The following MALRD1 variants were observed in gnomAD, a reference collection of about 807,000 sequenced individuals.
The protein encoded by MALRD1 is MAM and LDL receptor class A domain containing 1, also known as MAM and LDL-receptor class A domain-containing protein 1.
Under a neutral mutation model 242.1 loss-of-function variants are expected in MALRD1, and 247 were observed. That is an observed-to-expected ratio of 1.02 (90% CI 0.92 to 1.13). The LOEUF is 1.13. Ranked by LOEUF, MALRD1 falls within the 50% of genes most tolerant of loss-of-function variation. The pLI is 0.00. For missense variants in MALRD1, 2,989 were observed against 2,533.1 expected, an observed-to-expected ratio of 1.18 and a Z score of -3.86; for synonymous variants, 995 against 866.6, an observed-to-expected ratio of 1.15 and a Z score of -2.60.
chr10:19,346,567 C>G (rs1844132691), intron 24 of MALRD1, among the ~76,000 whole-genome samples: 1 of 152,130 alleles, frequency 6.6e-6, no homozygotes. Context: ...TTGTAATATT[C>G]AAGAAGAACT....
intron 7 of MALRD1, among the ~76,000 whole-genome samples, chr10:19,125,295 TTCCTTCCTTCCTTCC>T (rs1837223710): frequency 2.6e-4 from 9 of 34,962 alleles, no homozygotes; most frequent in Non-Finnish European, 3.7e-4. Flanking sequence ...CTTTCTTTCC[TTCCTTCCTTCCTTCC>T]TTCCTTCCTT....
chr10:19,121,998 T>C (rs1454738680), intron 5 of MALRD1, among the ~76,000 whole-genome samples: 2 of 152,200 alleles, frequency 1.3e-5, no homozygotes, highest in Admixed American at 1.3e-4. Flanking sequence ...GTCTGCATGA[T>C]TGTGAACAAA....
At chr10:19,144,603 A>G (rs2131435394) in intron 10 of MALRD1, among the ~76,000 whole-genome samples, 1 of 152,352 alleles carries the variant, frequency 6.6e-6, no homozygotes, top group African/African-American at 2.4e-5. Flanking sequence ...GGCCGTATTA[A>G]AATTTACAAG....
chr10:19,615,516 C>CAAAAAAAAAAAAAAAAA lies in MALRD1; in HGVS notation c.6071-338_6071-322dup, dbSNP rs530920512. On this transcript the variant is annotated intron_variant, in intron 35 of 39. Coordinates refer to ENST00000454679, the MANE Select transcript of MALRD1 (RefSeq NM_001142308.3). ...TGAATGACAGAGCAAGACCCTGCCT[C>CAAAAAAAAAAAAAAAAA]AAAAAAAAAAAAAAAAAAAGAGGAA... Among the ~76,000 whole-genome samples the CAAAAAAAAAAAAAAAAA allele has an allele frequency of 2.2e-3, 82 of 37,148 alleles. 4 individuals carry two copies. The highest frequency in any genetic ancestry group is 4.4e-3 in the African/African-American group (31 of 7,044). 24.4% of individuals were successfully genotyped at this position (37,148 alleles called of 152,430 possible).
chr10:19,661,907 T>C (rs1328033242), intron 36 of MALRD1, among the ~76,000 whole-genome samples: 2 of 152,144 alleles, frequency 1.3e-5, no homozygotes, highest in Non-Finnish European at 2.9e-5. Flanking sequence ...TCAGAAACGA[T>C]ACATCTATTA....
At chr10:19,714,994 C>T (rs1242653408) in intron 38 of MALRD1, among the ~76,000 whole-genome samples, 2 of 152,180 alleles carry the variant, frequency 1.3e-5, no homozygotes, top group African/African-American at 2.4e-5. Context: ...GAGTTACATA[C>T]TGTTAACATT....
At chr10:19,094,449 C>G (rs564801011) in intron 4 of MALRD1, among the ~76,000 whole-genome samples, 1 of 148,662 alleles carries the variant, frequency 6.7e-6, no homozygotes, top group South Asian at 2.2e-4. Flanking sequence ...CCTGCTTCGG[C>G]TCGCGCACGG....
At chr10:19,722,589 C>CAAAAAAAAAAAAAAAAAAAAAAAA (rs1834812944) in intron 38 of MALRD1, 1 of 7,552 alleles carries the variant, frequency 1.3e-4, no homozygotes, top group Non-Finnish European at 2.6e-4. Flanking sequence ...GACCATGTCT[C>CAAAAAAAAAAAAAAAAAAAAAAAA]TAAAAAAAAA....
At chr10:19,689,718 T>A (rs902833587) in intron 36 of MALRD1, among the ~76,000 whole-genome samples, 1 of 152,184 alleles carries the variant, frequency 6.6e-6, no homozygotes, top group Non-Finnish European at 1.5e-5. Context: ...CTCAAAGTTA[T>A]CCATGTTCCT....
intron 36 of MALRD1, among the ~76,000 whole-genome samples, chr10:19,625,860 T>C (rs535192085): frequency 1.5e-4 from 23 of 152,290 alleles, no homozygotes; most frequent in African/African-American, 5.1e-4. Flanking sequence ...AATCATTCTT[T>C]ACTAGGTGGA....
At chr10:19,125,357 C>CTTTCTT (rs1837242676) in intron 7 of MALRD1, among the ~76,000 whole-genome samples, 1 of 110,110 alleles carries the variant, frequency 9.1e-6, no homozygotes, top group Non-Finnish European at 1.8e-5. Context: ...TTCTTTCTTT[C>CTTTCTT]TTTCTTTCTT....
chr10:19,435,039 C>A (rs1333001101), intron 28 of MALRD1, among the ~76,000 whole-genome samples: 1 of 151,164 alleles, frequency 6.6e-6, no homozygotes, highest in Non-Finnish European at 1.5e-5. Flanking sequence ...ACAGTTCTTA[C>A]AGTTATTAAT....
chr10:19,507,419 A>G (rs1458864422), intron 31 of MALRD1, among the ~76,000 whole-genome samples: 1 of 152,168 alleles, frequency 6.6e-6, no homozygotes. Flanking sequence ...ATCTAGTGAA[A>G]AAACCTAACA....
At chr10:19,341,684 G>A (rs545443529) in intron 24 of MALRD1, among the ~76,000 whole-genome samples, 1 of 151,742 alleles carries the variant, frequency 6.6e-6, no homozygotes, top group South Asian at 2.1e-4. Flanking sequence ...ATTTTAAATA[G>A]GGTAGTCATA....
At chr10:19,378,274 C>T (rs867137965) in intron 26 of MALRD1, among the ~76,000 whole-genome samples, 4 of 152,076 alleles carry the variant, frequency 2.6e-5, no homozygotes, top group African/African-American at 7.2e-5. Context: ...AAAATAAATT[C>T]TCCACTGTAA....
chr10:19,639,130 G>A lies in MALRD1; in HGVS notation c.6137+23207G>A, dbSNP rs188581502. On this transcript the variant is annotated intron_variant, in intron 36 of 39. Coordinates refer to ENST00000454679, the MANE Select transcript of MALRD1 (RefSeq NM_001142308.3). ...GAAACACATATGGGTTTAAAAATGA[G>A]CAATATTTTTCTCCTTCAAAAAGTG... 1.3e-3 allele frequency among the ~76,000 whole-genome samples: 205 copies of A among 152,124 alleles called. 1 individual carries two copies. The highest frequency in any genetic ancestry group is 3.4e-3 in the Middle Eastern group (1 of 294).
chr10:19,247,784 AC>A (rs1839127949), intron 18 of MALRD1, among the ~76,000 whole-genome samples: 1 of 152,096 alleles, frequency 6.6e-6, no homozygotes, highest in Non-Finnish European at 1.5e-5. Flanking sequence ...AAATACTATA[AC>A]TTTTAAAGAA....
chr10:19,535,748 C>T lies in MALRD1; in HGVS notation c.5478+4397C>T, dbSNP rs1401077498. On this transcript the variant is annotated intron_variant, in intron 32 of 39. Coordinates refer to ENST00000454679, the MANE Select transcript of MALRD1 (RefSeq NM_001142308.3). The stretch of plus-strand genomic sequence containing the variant: ...TGTATTAGCTTTCTAATAAAAATTA[C>T]GTATTTCTAAAGGGTCCTCATATTT... 6.6e-5 allele frequency among the ~76,000 whole-genome samples: 10 copies of T among 151,904 alleles called. No individual in the cohort carries two copies. In the South Asian group the frequency reaches 8.3e-4, roughly 13 times the overall value.
chr10:19,615,038 A>G (rs990262718), intron 35 of MALRD1, among the ~76,000 whole-genome samples: 26 of 152,220 alleles, frequency 1.7e-4, no homozygotes, highest in African/African-American at 6.3e-4. Context: ...TGAGATGACT[A>G]TAGTTAACAA....
Sources: allele counts gnomAD v4.1 joint callset (sites outside exome capture counted in the v4.1 genomes callset), GRCh38; gene constraint gnomAD v4.1.1; transcripts MANE v1.5; gene names NCBI Gene and HGNC (gene_info 2026-07-23, HGNC 2026-07-21).